The following CFH variants were observed in gnomAD, a reference collection of about 807,000 sequenced individuals.
CFH encodes the protein H factor 1 (complement).
A neutral mutation model predicts 147.3 loss-of-function variants in CFH; 53 were observed. That is an observed-to-expected ratio of 0.36 (90% CI 0.29 to 0.45). The LOEUF is 0.45. Ranked by LOEUF, CFH falls within the 20% of genes least tolerant of loss-of-function variation. The pLI is 1.00. For missense variants in CFH, 1,380 were observed against 1,498.0 expected, an observed-to-expected ratio of 0.92 and a Z score of 1.30; for synonymous variants, 536 against 489.4, an observed-to-expected ratio of 1.10 and a Z score of -1.26.
chr1:196,737,788 A>C, intron 17 of CFH, 128 bp downstream of exon 17: 1 of 657,672 alleles, frequency 1.5e-6, no homozygotes, highest in Non-Finnish European at 2.5e-6. Flanking sequence ...TATACCATTA[A>C]AATACTTTTT....
intron 14 of CFH, among the ~76,000 whole-genome samples, chr1:196,727,665 T>C (rs1669179255): frequency 1.3e-5 from 2 of 152,158 alleles, no homozygotes; most frequent in South Asian, 4.1e-4. Flanking sequence ...TACTTACTAC[T>C]CTCCCATAGG....
At chr1:196,665,911 T>G (rs1311761111) in intron 1 of CFH, among the ~76,000 whole-genome samples, 1 of 152,108 alleles carries the variant, frequency 6.6e-6, no homozygotes, top group African/African-American at 2.4e-5. Context: ...CCGGCCCCAG[T>G]GGATTTTAAT....
intron 9 of CFH, among the ~76,000 whole-genome samples, chr1:196,704,933 A>G (rs1291364855): frequency 1.3e-5 from 2 of 152,194 alleles, no homozygotes; most frequent in Non-Finnish European, 2.9e-5. Flanking sequence ...AATCTGAAGG[A>G]TGCCTTCATC....
chr1:196,706,161 C>T (rs932483843), intron 9 of CFH, among the ~76,000 whole-genome samples: 1 of 152,038 alleles, frequency 6.6e-6, no homozygotes, highest in African/African-American at 2.4e-5. Context: ...CTAATCAGGG[C>T]ATCCCAACTA....
intron 1 of CFH, among the ~76,000 whole-genome samples, chr1:196,665,320 G>A (rs550108934): frequency 1.3e-5 from 2 of 150,638 alleles, no homozygotes; most frequent in Admixed American, 6.6e-5. Context: ...TATGCATTAA[G>A]CCTTCCTTTT....
intron 1 of CFH, among the ~76,000 whole-genome samples, chr1:196,671,700 A>C (rs1181322600): frequency 6.7e-6 from 1 of 149,606 alleles, no homozygotes; most frequent in African/African-American, 2.4e-5. Context: ...ATGTGTGTAC[A>C]TATATTAGAC....
At chr1:196,676,115 T>G (rs1558155802) in intron 4 of CFH, 50 bp downstream of exon 4, 1 of 1,154,378 alleles carries the variant, frequency 8.7e-7, no homozygotes, top group Non-Finnish European at 1.3e-6. Flanking sequence ...ATCTAAGATT[T>G]AAAAAAAGTC....
intron 11 of CFH, among the ~76,000 whole-genome samples, chr1:196,719,682 T>C (rs993503654): frequency 1.3e-5 from 2 of 151,742 alleles, no homozygotes; most frequent in African/African-American, 4.8e-5. Flanking sequence ...TTGGATAATA[T>C]TTAGTAATGT....
intron 9 of CFH, among the ~76,000 whole-genome samples, chr1:196,710,613 G>A (rs1156483159): frequency 2.6e-5 from 4 of 152,082 alleles, no homozygotes; most frequent in Admixed American, 1.3e-4. Context: ...TATGACTTTA[G>A]AATCAGCATG....
At chr1:196,665,684 T>G (rs560116967) in intron 1 of CFH, among the ~76,000 whole-genome samples, 1 of 152,314 alleles carries the variant, frequency 6.6e-6, no homozygotes, top group South Asian at 2.1e-4. Flanking sequence ...CTTGGGTTAC[T>G]GCAATCTCCG....
intron 15 of CFH, among the ~76,000 whole-genome samples, chr1:196,736,553 A>G (rs1669406855): frequency 6.6e-6 from 1 of 151,992 alleles, no homozygotes; most frequent in South Asian, 2.1e-4. Context: ...AAATTTATTA[A>G]ACAAAGAATA....
chr1:196,692,911 C>T (rs1387631109), intron 9 of CFH, among the ~76,000 whole-genome samples: 1 of 139,350 alleles, frequency 7.2e-6, no homozygotes, highest in African/African-American at 2.7e-5. Flanking sequence ...CCCTTCCTTC[C>T]TTCCTTCCTT....
chr1:196,733,592 A>G (rs1669330976), intron 15 of CFH, among the ~76,000 whole-genome samples: 1 of 152,040 alleles, frequency 6.6e-6, no homozygotes, highest in African/African-American at 2.4e-5. Flanking sequence ...GGAAGTGCTT[A>G]CACACCCATA....
At chr1:196,724,380 T>C (rs1417013596) in intron 11 of CFH, among the ~76,000 whole-genome samples, 1 of 152,068 alleles carries the variant, frequency 6.6e-6, no homozygotes, top group Admixed American at 6.6e-5. Context: ...GGAAGGCAGA[T>C]GACCCTATTC....
At position 196,745,902 on chromosome 1, in the gene CFH, A is replaced by G. The variant is rs1325453851; in HGVS notation, c.3396A>G (p.Ser1132=). 6.2e-7 allele frequency: 1 copy of G among 1,614,176 alleles called. No individual in the cohort carries two copies. The highest frequency in any genetic ancestry group is 1.1e-5 in the South Asian group (1 of 91,084). The change falls in exon 21 of 22, where the codon TCA becomes TCG. Residue 1132 remains serine, a synonymous_variant. Transcript: ENST00000367429. ...CGTTGTCAGTATATGCTCCAGCTTC[A>G]TCAGTTGAGTACCAATGCCAGAACT... The part of the protein sequence containing the change: ...SFPLSVYAPA[S]SVEYQCQNLY...
At chr1:196,697,561 C>A (rs1213752036) in intron 9 of CFH, among the ~76,000 whole-genome samples, 1 of 152,142 alleles carries the variant, frequency 6.6e-6, no homozygotes, top group African/African-American at 2.4e-5. Flanking sequence ...GTTGGTGGAA[C>A]TGTAAACTAG....
At chr1:196,705,455 T>C (rs1313831655) in intron 9 of CFH, among the ~76,000 whole-genome samples, 6 of 152,170 alleles carry the variant, frequency 3.9e-5, no homozygotes, top group Non-Finnish European at 8.8e-5. Flanking sequence ...TATGAAGCCC[T>C]AAGACCAGAC....
chr1:196,711,916 G>T (rs1420315702), intron 9 of CFH, among the ~76,000 whole-genome samples: 1 of 152,072 alleles, frequency 6.6e-6, no homozygotes, highest in Non-Finnish European at 1.5e-5. Context: ...GTGGAAATTT[G>T]TAGAGCCCTT....
chr1:196,692,546 CTT>C (rs766660106), intron 9 of CFH, among the ~76,000 whole-genome samples: 7 of 133,990 alleles, frequency 5.2e-5, no homozygotes, highest in East Asian at 2.6e-4. Flanking sequence ...CTTTCTTTTT[CTT>C]TTTCTTTCTT....
Sources: allele counts gnomAD v4.1 joint callset (sites outside exome capture counted in the v4.1 genomes callset), GRCh38; gene constraint gnomAD v4.1.1; transcripts MANE v1.5; gene names NCBI Gene and HGNC (gene_info 2026-07-23, HGNC 2026-07-21).